FOXN3: variants seen among roughly 807,000 people sequenced by gnomAD.
FOXN3 encodes forkhead box protein N3.
In FOXN3, 7 loss-of-function variants were observed where a neutral mutation model predicts 38.4. The observed-to-expected ratio is 0.18, with a 90% confidence interval of 0.10 to 0.34. The LOEUF is 0.34. FOXN3 is among the 10% of genes least tolerant of loss of function. The pLI, the probability that FOXN3 is intolerant of heterozygous loss-of-function variation, is 1.00. For missense variants in FOXN3, 456 were observed against 613.4 expected (o/e 0.74, Z 2.71); for synonymous variants, 230 against 242.2 (o/e 0.95, Z 0.47).
intron 1 of FOXN3, among the ~76,000 whole-genome samples, chr14:89,426,559 C>A (rs1892034209): frequency 6.6e-6 from 1 of 152,000 alleles, no homozygotes; most frequent in Non-Finnish European, 1.5e-5. Flanking sequence ...TAAATTTTAG[C>A]AAGAGGGTGA....
chr14:89,172,438 A>C (rs1475598142), intron 5 of FOXN3, among the ~76,000 whole-genome samples: 2 of 151,976 alleles, frequency 1.3e-5, no homozygotes, highest in Non-Finnish European at 2.9e-5. Context: ...ATTCCATACC[A>C]CTCTAGTCAG....
intron 3 of FOXN3, among the ~76,000 whole-genome samples, chr14:89,286,268 GA>G (rs1382949991): frequency 6.6e-6 from 1 of 152,132 alleles, no homozygotes; most frequent in Non-Finnish European, 1.5e-5. Context: ...AGAAATGAAT[GA>G]AAGCCTAAAG....
chr14:89,491,182 G>A (rs1474293347), intron 1 of FOXN3, among the ~76,000 whole-genome samples: 1 of 151,476 alleles, frequency 6.6e-6, no homozygotes, highest in African/African-American at 2.4e-5. Context: ...TTCCACATTG[G>A]TCAGGCTGGT....
chr14:89,191,080 T>TA (rs892622302), intron 4 of FOXN3, among the ~76,000 whole-genome samples: 158 of 149,578 alleles, frequency 1.1e-3, no homozygotes, highest in Middle Eastern at 3.4e-3. Context: ...TTAATATGGG[T>TA]AAAAAAAAAA....
intron 1 of FOXN3, among the ~76,000 whole-genome samples, chr14:89,468,041 T>G (rs909280225): frequency 4.3e-4 from 66 of 152,014 alleles, no homozygotes; most frequent in African/African-American, 1.5e-3. Context: ...TATATATGCA[T>G]GCACATATAT....
chr14:89,485,211 G>A (rs1006648751), intron 1 of FOXN3, among the ~76,000 whole-genome samples: 7 of 150,586 alleles, frequency 4.6e-5, no homozygotes, highest in Non-Finnish European at 5.9e-5. Context: ...GCTTAACAAA[G>A]GGCAGACCTG....
At chr14:89,309,961 A>G (rs1228568518) in intron 3 of FOXN3, among the ~76,000 whole-genome samples, 1 of 152,224 alleles carries the variant, frequency 6.6e-6, no homozygotes, top group African/African-American at 2.4e-5. Flanking sequence ...GCCTGACAGT[A>G]TGAACTCTTC....
intron 1 of FOXN3, chr14:89,493,874 T>C (rs1347556269): frequency 6.7e-6 from 1 of 149,988 alleles, no homozygotes; most frequent in Admixed American, 6.6e-5. Context: ...AAAAAAAAAA[T>C]AGCTTCATTA....
At chr14:89,247,294 T>C (rs1885327104) in intron 4 of FOXN3, among the ~76,000 whole-genome samples, 1 of 152,164 alleles carries the variant, frequency 6.6e-6, no homozygotes, top group Non-Finnish European at 1.5e-5. Flanking sequence ...TCTCCATCCC[T>C]AGCTTAAAAC....
Position 89,432,074 on chromosome 14 carries a change from G to C in FOXN3, c.-14-19584C>G, listed in dbSNP as rs996382746. On this transcript the variant is annotated intron_variant, in intron 1 of 6. Transcript: ENST00000345097. ...ATGTAAAAACCCAATTCCAACCAAAGAAATAGGAAAATCATAAAGAACATC... is the reference window on the plus strand; with the variant it reads ...ATGTAAAAACCCAATTCCAACCAAACAAATAGGAAAATCATAAAGAACATC... Among the ~76,000 whole-genome samples the C allele has an allele frequency of 6.6e-5, 10 of 152,166 alleles. No individual in the cohort carries two copies. In the South Asian group the frequency reaches 8.3e-4, roughly 13 times the overall value.
intron 4 of FOXN3, among the ~76,000 whole-genome samples, chr14:89,261,317 T>C (rs1885793139): frequency 6.6e-6 from 1 of 152,076 alleles, no homozygotes; most frequent in Non-Finnish European, 1.5e-5. Flanking sequence ...AATTCATAGA[T>C]AGAGACACTG....
At chr14:89,496,616 C>A (rs1160000354) in intron 1 of FOXN3, among the ~76,000 whole-genome samples, 1 of 152,208 alleles carries the variant, frequency 6.6e-6, no homozygotes, top group African/African-American at 2.4e-5. Context: ...CATCCCCCTA[C>A]ACCCCGCAAT....
intron 1 of FOXN3, among the ~76,000 whole-genome samples, chr14:89,617,156 C>A (rs1299209156): frequency 6.6e-6 from 1 of 152,144 alleles, no homozygotes; most frequent in Admixed American, 6.5e-5. Flanking sequence ...CAATCCACTT[C>A]CTGTGTCTAA....
At chr14:89,608,188 G>T (rs1011980088) in intron 1 of FOXN3, among the ~76,000 whole-genome samples, 73 of 152,284 alleles carry the variant, frequency 4.8e-4, no homozygotes, top group African/African-American at 1.7e-3. Context: ...ACCCCATCCT[G>T]TTAGCCATCC....
intron 3 of FOXN3, among the ~76,000 whole-genome samples, chr14:89,283,380 A>G (rs961316112): frequency 1.3e-5 from 2 of 152,178 alleles, no homozygotes; most frequent in Non-Finnish European, 2.9e-5. Flanking sequence ...ACTCATGGTT[A>G]TGCCTCCAGT....
chr14:89,349,590 C>T (rs1442512727), intron 3 of FOXN3: 3 of 152,672 alleles, frequency 2.0e-5, no homozygotes, highest in East Asian at 3.8e-4. Flanking sequence ...GGTACCATCA[C>T]GCTAATCGCC....
At chr14:89,539,111 G>A (rs1013909499) in intron 1 of FOXN3, among the ~76,000 whole-genome samples, 5 of 152,112 alleles carry the variant, frequency 3.3e-5, no homozygotes, top group African/African-American at 1.2e-4. Flanking sequence ...CAAAGTGCTG[G>A]GATTACAGGC....
chr14:89,210,452 T>C (rs569370922), intron 4 of FOXN3, among the ~76,000 whole-genome samples: 93 of 152,304 alleles, frequency 6.1e-4, no homozygotes, highest in African/African-American at 2.1e-3. Flanking sequence ...CTTTATAAAT[T>C]ACCCAGTCTC....
intron 1 of FOXN3, among the ~76,000 whole-genome samples, chr14:89,575,070 T>C (rs978356873): frequency 1.3e-5 from 2 of 152,160 alleles, no homozygotes; most frequent in Non-Finnish European, 2.9e-5. Context: ...AGTGAGGTGT[T>C]GAGAGCAAGG....
Sources: allele counts gnomAD v4.1 joint callset (sites outside exome capture counted in the v4.1 genomes callset), GRCh38; gene constraint gnomAD v4.1.1; transcripts MANE v1.5; gene names NCBI Gene and HGNC (gene_info 2026-07-23, HGNC 2026-07-21).